SCUBE1: variants seen among roughly 807,000 people sequenced by gnomAD.
SCUBE1 encodes signal peptide, CUB domain and EGF like domain containing 1.
SCUBE1 carries 59 observed loss-of-function variants against 124.4 expected under a neutral mutation model. The ratio of observed to expected loss-of-function variants is 0.47; its 90% CI spans 0.38 to 0.59. SCUBE1 has a LOEUF of 0.59. Ranked by LOEUF, SCUBE1 falls within the 20% of genes least tolerant of loss-of-function variation. The pLI is 0.00. For missense variants in SCUBE1, 1,150 were observed against 1,371.2 expected, an observed-to-expected ratio of 0.84 and a Z score of 2.55; for synonymous variants, 545 against 550.9, an observed-to-expected ratio of 0.99 and a Z score of 0.15.
Position 43,258,707 on chromosome 22 carries a change from T to C in SCUBE1, c.611-372A>G, listed in dbSNP as rs946124763. ...TCTTGATGGGGCAAATGTTTGCCAA[T>C]GCCAGGACATACTTGTCAAGCTGTC... is the stretch of plus-strand genomic sequence containing the variant. On this transcript the variant is annotated intron_variant, in intron 5 of 21. Transcript: ENST00000360835. This position sits in a 1 kb window ranked among gnomAD's most constrained non-coding sequence, Gnocchi z 5.0. Among the ~76,000 whole-genome samples the C allele has an allele frequency of 9.2e-5, 14 of 152,188 alleles. No individual in the cohort carries two copies. Among genetic ancestry groups the C allele is most frequent in the Admixed American group, 2.6e-4 (4 of 15,286 alleles).
chr22:43,245,172 C>A (rs1569505570), intron 6 of SCUBE1, among the ~76,000 whole-genome samples: 2 of 152,260 alleles, frequency 1.3e-5, no homozygotes, highest in South Asian at 4.1e-4. Context: ...GGCCCTGTGG[C>A]CCGTCACTAG....
chr22:43,198,300 T>C lies in SCUBE1; in HGVS notation c.*5697A>G, dbSNP rs1158733424. ...CACTCAGGGGCTCTGAGTGGCATGG[T>C]GCAGCAGGGGACTGGAGAGGCCTTG... On this transcript the variant is annotated 3_prime_UTR_variant, in exon 22 of 22. Transcript: ENST00000360835. 1.7e-5 allele frequency: 6 copies of C among 345,512 alleles called. No homozygotes were observed. In the East Asian group the frequency reaches 4.6e-4, roughly 27 times the overall value. 21.4% of individuals were successfully genotyped at this position (345,512 alleles called of 1,614,324 possible).
At chr22:43,253,079 C>T (rs540373619) in intron 6 of SCUBE1, among the ~76,000 whole-genome samples, 1 of 148,288 alleles carries the variant, frequency 6.7e-6, no homozygotes, top group East Asian at 2.0e-4. Context: ...ACGGTCACCT[C>T]CCTACCTAAG....
intron 7 of SCUBE1, among the ~76,000 whole-genome samples, chr22:43,236,101 C>G (rs1209926997): frequency 1.3e-5 from 2 of 152,212 alleles, no homozygotes; most frequent in Non-Finnish European, 2.9e-5. Context: ...AACGTGGAGC[C>G]TTTGAACTCT....
At chr22:43,317,129 A>G (rs1031477906) in intron 3 of SCUBE1, 1 of 152,262 alleles carries the variant, frequency 6.6e-6, no homozygotes, top group African/African-American at 2.4e-5. Context: ...ACGATTGGGA[A>G]AACAGGGGAA....
intron 2 of SCUBE1, among the ~76,000 whole-genome samples, chr22:43,324,666 C>T (rs894186922): frequency 6.6e-6 from 1 of 151,812 alleles, no homozygotes; most frequent in African/African-American, 2.4e-5. Flanking sequence ...CAGGAGTCGC[C>T]GCCCCTGGAA....
chr22:43,206,633 G>C (rs1921295816), intron 21 of SCUBE1, among the ~76,000 whole-genome samples: 1 of 127,726 alleles, frequency 7.8e-6, no homozygotes, highest in Non-Finnish European at 1.7e-5. Context: ...CGGAAGGATG[G>C]GGGGAAAGAG....
At chr22:43,223,046 G>A in intron 11 of SCUBE1, 51 bp downstream of exon 11, 1 of 1,499,090 alleles carries the variant, frequency 6.7e-7, no homozygotes, top group Non-Finnish European at 8.9e-7. Context: ...GGACCCCAGG[G>A]AGGAAGACCC....
At chr22:43,232,209 T>G in intron 7 of SCUBE1, 1 of 272,422 alleles carries the variant, frequency 3.7e-6, no homozygotes, top group East Asian at 7.4e-5. Context: ...GACTCTCCCA[T>G]GTCCTCTCTT....
At chr22:43,287,528 G>A (rs965031058) in intron 4 of SCUBE1, among the ~76,000 whole-genome samples, 6 of 152,194 alleles carry the variant, frequency 3.9e-5, no homozygotes, top group Non-Finnish European at 8.8e-5. Context: ...TAGAAAGCAG[G>A]GCCACTCAGA....
intron 3 of SCUBE1, among the ~76,000 whole-genome samples, chr22:43,307,739 G>A (rs563320141): frequency 7.2e-5 from 11 of 152,170 alleles, no homozygotes; most frequent in African/African-American, 2.7e-4. Flanking sequence ...GCATGATTCC[G>A]CTTCGGAAAA....
chr22:43,253,028 G>A (rs1410226373), intron 6 of SCUBE1, among the ~76,000 whole-genome samples: 3 of 136,790 alleles, frequency 2.2e-5, no homozygotes, highest in Non-Finnish European at 3.0e-5. Flanking sequence ...ACCTAAGTCT[G>A]TACCTTGCCT....
intron 3 of SCUBE1, among the ~76,000 whole-genome samples, chr22:43,311,679 G>A (rs553856146): frequency 1.3e-5 from 2 of 151,638 alleles, no homozygotes; most frequent in Non-Finnish European, 2.9e-5. Context: ...CACCCGCCTC[G>A]GTCTCTCAAA....
chr22:43,272,860 A>C (rs967303720), intron 4 of SCUBE1, among the ~76,000 whole-genome samples: 1 of 152,204 alleles, frequency 6.6e-6, no homozygotes, highest in Non-Finnish European at 1.5e-5. Context: ...ATTTCCACTG[A>C]GGAGGCTGAA....
intron 6 of SCUBE1, among the ~76,000 whole-genome samples, chr22:43,241,129 G>A (rs981959427): frequency 6.6e-6 from 1 of 152,106 alleles, no homozygotes; most frequent in Non-Finnish European, 1.5e-5. Context: ...GTCCCTAATG[G>A]GACTTGGAAG....
At chr22:43,228,300 C>T (rs1410927225) in intron 9 of SCUBE1, among the ~76,000 whole-genome samples, 1 of 152,174 alleles carries the variant, frequency 6.6e-6, no homozygotes, top group African/African-American at 2.4e-5. Flanking sequence ...CATCTAGAAT[C>T]TTCCTCTTTG....
Position 43,202,007 on chromosome 22 carries a change from G to A in SCUBE1, c.*1990C>T, listed in dbSNP as rs61081964. 0.071 allele frequency: 10,788 copies of A among 152,292 alleles called. 649 individuals carry two copies. The highest frequency in any genetic ancestry group is 0.34 in the East Asian group (1,765 of 5,162). The allele number at this position is 152,292 out of a possible 1,614,324, so 9.4% of individuals were successfully genotyped here. A position where few individuals can be genotyped will look rare whatever the true frequency, so the allele number is the denominator to read the frequency against. ...AGAGGAGCGGCAGTGGCCCCTGGCA[G>A]GGCTTGTTAGTTGACACTGACCTAC... On this transcript the variant is annotated 3_prime_UTR_variant, in exon 22 of 22. Coordinates refer to ENST00000360835, the MANE Select transcript of SCUBE1 (RefSeq NM_173050.5).
At chr22:43,223,517 C>T (rs1343558050) in intron 10 of SCUBE1, among the ~76,000 whole-genome samples, 1 of 152,164 alleles carries the variant, frequency 6.6e-6, no homozygotes. Context: ...CCAGGGCAGG[C>T]GTCCATTCCC....
chr22:43,218,416 C>G lies in SCUBE1; in HGVS notation c.1730G>C (p.Ser577Thr). The G allele has an allele frequency of 6.2e-7, 1 of 1,613,102 alleles. No homozygotes were observed. Among genetic ancestry groups the G allele is most frequent in the Non-Finnish European group, 8.5e-7 (1 of 1,180,034 alleles). Reference sequence around the variant, plus strand: ...CAGGGTCTTGATGGCGGCCTGCAGGCTCTGTTCTGCTCGCTTCCGCAAGCA... The same window carrying G: ...CAGGGTCTTGATGGCGGCCTGCAGGGTCTGTTCTGCTCGCTTCCGCAAGCA... ...ADCLRKRAEQ[S>T]LQAAIKTLRK... The change falls in exon 15 of 22, where the codon AGC becomes ACC. Residue 577 changes from serine (S) to threonine (T), a missense_variant. Transcript: ENST00000360835.
Sources: allele counts gnomAD v4.1 joint callset (sites outside exome capture counted in the v4.1 genomes callset), GRCh38; gene constraint gnomAD v4.1.1; non-coding constraint Gnocchi (gnomAD v3.1); transcripts MANE v1.5; gene names NCBI Gene and HGNC (gene_info 2026-07-23, HGNC 2026-07-21).